ATG13: variants seen among roughly 807,000 people sequenced by gnomAD.
The protein encoded by ATG13 is autophagy-related protein 13.
Under a neutral mutation model 65.5 loss-of-function variants are expected in ATG13, and 23 were observed. The ratio of observed to expected loss-of-function variants is 0.35; its 90% CI spans 0.25 to 0.50. The LOEUF (loss-of-function observed/expected upper bound fraction) is 0.50. Ranked by LOEUF, ATG13 falls within the 20% of genes least tolerant of loss-of-function variation. The pLI, the probability that ATG13 is intolerant of heterozygous loss-of-function variation, is 0.98. For missense variants in ATG13, 566 were observed against 677.0 expected, an observed-to-expected ratio of 0.84 and a Z score of 1.82; for synonymous variants, 252 against 245.2, an observed-to-expected ratio of 1.03 and a Z score of -0.26.
intron 12 of ATG13, 44 bp downstream of exon 12, chr11:46,664,139 C>T: frequency 1.5e-6 from 2 of 1,345,328 alleles, no homozygotes; most frequent in Non-Finnish European, 2.1e-6. Flanking sequence ...AGATGGCATC[C>T]TTTTATTTAA....
chr11:46,644,585 ATTTTTT>A (rs199576150), intron 3 of ATG13, among the ~76,000 whole-genome samples: 1 of 144,072 alleles, frequency 6.9e-6, no homozygotes, highest in African/African-American at 2.6e-5. Context: ...CAAAAAAAAA[ATTTTTT>A]TTTTTTTTGC....
chr11:46,617,593 C>A lies in ATG13; in HGVS notation c.-367C>A. 6.4e-6 allele frequency: 1 copy of A among 155,624 alleles called. No individual in the cohort carries two copies. Among genetic ancestry groups the A allele is most frequent in the Non-Finnish European group, 1.3e-5 (1 of 79,134 alleles). 9.6% of individuals were successfully genotyped at this position (155,624 alleles called of 1,614,324 possible). A position where few individuals can be genotyped will look rare whatever the true frequency, so the allele number is the denominator to read the frequency against. The stretch of plus-strand genomic sequence containing the variant: ...GGATGAAAACAAACACTAACGATGG[C>A]GGCGCCGGGAAGCGACCGGCTGCTG... On this transcript the variant is annotated 5_prime_UTR_variant, in exon 1 of 19. Coordinates refer to ENST00000683050, the MANE Select transcript of ATG13 (RefSeq NM_001346311.2).
chr11:46,622,842 G>A (rs1345448055), intron 1 of ATG13, among the ~76,000 whole-genome samples: 1 of 152,126 alleles, frequency 6.6e-6, no homozygotes, highest in Non-Finnish European at 1.5e-5. Context: ...GTCATCTTCG[G>A]GGTGCAATTT....
intron 18 of ATG13, among the ~76,000 whole-genome samples, chr11:46,671,106 C>A (rs1425856726): frequency 6.6e-6 from 1 of 152,172 alleles, no homozygotes; most frequent in Non-Finnish European, 1.5e-5. Flanking sequence ...TCAACTGATG[C>A]CACAGCCGTA....
Position 46,672,451 on chromosome 11 carries a change from C to T in ATG13, c.*119C>T, listed in dbSNP as rs1334383396. 7 of 1,575,492 alleles carry T rather than the reference C, an allele frequency of 4.4e-6. No homozygotes were observed. Among genetic ancestry groups the T allele is most frequent in the Non-Finnish European group, 6.0e-6 (7 of 1,160,648 alleles). ...CTGAGCCAGGTGGAAGGGAGGCTGG[C>T]TTCTCCCATGGGGACCCAGAAGTCC... On this transcript the variant is annotated 3_prime_UTR_variant, in exon 19 of 19. Transcript: ENST00000683050.
At chr11:46,668,947 C>A in intron 17 of ATG13, 37 bp downstream of exon 17, 1 of 1,509,036 alleles carries the variant, frequency 6.6e-7, no homozygotes, top group South Asian at 1.1e-5. Context: ...TTTGCTGTCC[C>A]GGGGAACTAG....
chr11:46,637,468 G>T (rs1315893982), intron 2 of ATG13, among the ~76,000 whole-genome samples: 1 of 152,060 alleles, frequency 6.6e-6, no homozygotes, highest in Non-Finnish European at 1.5e-5. Context: ...TTTTTCCAGG[G>T]TTCAAGTGAT....
intron 14 of ATG13, among the ~76,000 whole-genome samples, chr11:46,666,972 C>G (rs2062509920): frequency 1.3e-5 from 2 of 152,032 alleles, no homozygotes. Flanking sequence ...CCTGGCTTCT[C>G]AAACTTCCAT....
intron 14 of ATG13, among the ~76,000 whole-genome samples, chr11:46,666,355 G>C (rs1280476540): frequency 6.6e-6 from 1 of 152,212 alleles, no homozygotes; most frequent in East Asian, 1.9e-4. Flanking sequence ...ACAGGGTGTT[G>C]ACCATGGCCC....
intron 1 of ATG13, among the ~76,000 whole-genome samples, chr11:46,619,307 A>T (rs1377843527): frequency 2.1e-5 from 3 of 143,830 alleles, no homozygotes; most frequent in African/African-American, 5.1e-5. Flanking sequence ...CCCTAAAGGG[A>T]TTTAAAGGTT....
chr11:46,622,293 A>G (rs2047996515), intron 1 of ATG13, among the ~76,000 whole-genome samples: 1 of 151,026 alleles, frequency 6.6e-6, no homozygotes, highest in Admixed American at 6.6e-5. Flanking sequence ...AATTTTTTAT[A>G]TTTTTAGTAG....
chr11:46,668,563 A>G lies in ATG13; in HGVS notation c.1316A>G (p.Asp439Gly), dbSNP rs199730661. The G allele has an allele frequency of 2.5e-6, 4 of 1,614,212 alleles. No homozygotes were observed. In the African/African-American group the frequency reaches 5.3e-5, roughly 22 times the overall value. ...MFAPKNLELE[D>G]TDPMVNPPDS... ...GCTCCCAAGAATTTGGAGCTGGAGG[A>G]TACCGATCCAATGGTGAGCCCACCG... The change falls in exon 16 of 19, where the codon GAT becomes GGT. Residue 439 changes from aspartate to glycine, a missense_variant. Physicochemically the swap from Asp to Gly is moderately conservative, Grantham distance 94. Transcript: ENST00000683050.
chr11:46,659,293 C>A, intron 10 of ATG13, 99 bp from the exon 11 acceptor site: 1 of 930,898 alleles, frequency 1.1e-6, no homozygotes, highest in Non-Finnish European at 1.7e-6. Context: ...TGAAACCGTT[C>A]TTAGCACAGG....
chr11:46,657,016 A>G (rs892883419), intron 8 of ATG13, 79 bp from the exon 9 acceptor site: 3 of 1,253,406 alleles, frequency 2.4e-6, no homozygotes, highest in Non-Finnish European at 3.5e-6. Context: ...CAATAGGCCA[A>G]ATAATTCAGG....
chr11:46,617,967 G>C (rs1485841660), intron 1 of ATG13, 77 bp downstream of exon 1: 1 of 398,906 alleles, frequency 2.5e-6, no homozygotes. Flanking sequence ...CGGCCCCTTG[G>C]CTGCTGCTTC....
At chr11:46,625,952 T>C (rs547796197) in intron 1 of ATG13, among the ~76,000 whole-genome samples, 16 of 152,216 alleles carry the variant, frequency 1.1e-4, no homozygotes, top group East Asian at 7.7e-4. Context: ...TGATTTCTTT[T>C]GTTTCTTTCG....
intron 2 of ATG13, among the ~76,000 whole-genome samples, chr11:46,640,015 A>T (rs1203937139): frequency 6.7e-6 from 1 of 149,820 alleles, no homozygotes; most frequent in Admixed American, 6.6e-5. Flanking sequence ...TAATTTTTAT[A>T]TTTTTTTTTC....
intron 3 of ATG13, 144 bp downstream of exon 3, chr11:46,644,504 A>C: frequency 1.6e-6 from 1 of 630,310 alleles, no homozygotes; most frequent in Non-Finnish European, 2.6e-6. Context: ...TGTCAACCAA[A>C]CTGTGAGGTA....
At chr11:46,624,328 C>T (rs187446955) in intron 1 of ATG13, among the ~76,000 whole-genome samples, 29 of 152,240 alleles carry the variant, frequency 1.9e-4, no homozygotes, top group Admixed American at 1.6e-3. Context: ...AATATTGATG[C>T]AATACTGTTA....
Sources: gnomAD v4.1 joint callset for allele counts (sites outside exome capture counted in the v4.1 genomes callset) on GRCh38, gnomAD v4.1.1 for gene constraint, MANE v1.5 for transcripts, NCBI Gene and HGNC (gene_info 2026-07-23, HGNC 2026-07-21) for gene names.